Variants in PDE4B observed in about 807,000 individuals in gnomAD.
PDE4B encodes 3',5'-cyclic-AMP phosphodiesterase 4B.
A neutral mutation model predicts 82.2 loss-of-function variants in PDE4B; 20 were observed. That is an observed-to-expected ratio of 0.24 (90% confidence interval 0.17 to 0.35). PDE4B has a LOEUF of 0.35. Ranked by LOEUF, PDE4B falls within the 10% of genes least tolerant of loss-of-function variation. The pLI is 1.00. For synonymous variants in PDE4B, 320 were observed against 318.9 expected, an observed-to-expected ratio of 1.00 and a Z score of -0.04; for missense variants, 655 against 907.2, an observed-to-expected ratio of 0.72 and a Z score of 3.57.
At chr1:66,345,695 C>T (rs574802125) in intron 8 of PDE4B, among the ~76,000 whole-genome samples, 1 of 152,174 alleles carries the variant, frequency 6.6e-6, no homozygotes, top group Admixed American at 6.5e-5. Context: ...CCATTAGAAC[C>T]CTGGAATCCT....
At chr1:66,172,108 C>A (rs1412559733) in intron 3 of PDE4B, among the ~76,000 whole-genome samples, 1 of 152,110 alleles carries the variant, frequency 6.6e-6, no homozygotes, top group Non-Finnish European at 1.5e-5. Context: ...ACCCTTATCC[C>A]CTGCTTTTGG....
At chr1:65,850,689 G>GTA (rs370326822) in intron 1 of PDE4B, among the ~76,000 whole-genome samples, 36 of 151,678 alleles carry the variant, frequency 2.4e-4, no homozygotes, top group Admixed American at 7.9e-4. Context: ...GCATGTGTGT[G>GTA]TATATATATA....
rs1310565146 is a variant in PDE4B at position 66,372,653 on chromosome 1, A to G, written c.2186A>G (p.Glu729Gly). 3 of 1,613,480 alleles carry G rather than the reference A, an allele frequency of 1.9e-6. No homozygotes were observed. The African/African-American group carries it at 4.0e-5, about 22-fold the overall frequency. ...LGETDIDIATEDKSPVDT is the reference protein window; with the variant it reads ...LGETDIDIATGDKSPVDT Reference sequence around the variant, plus strand: ...GAGACTGACATAGACATTGCAACAGAAGACAAGTCCCCCGTGGATACATAA... The same window carrying G: ...GAGACTGACATAGACATTGCAACAGGAGACAAGTCCCCCGTGGATACATAA... The change falls in exon 17 of 17, where the codon GAA becomes GGA. Residue 729 changes from glutamate to glycine, a missense_variant. By Grantham distance (98) the Glu-to-Gly change is moderately conservative (BLOSUM62 -2). Around this residue, in one of 3 missense-constraint regions of PDE4B, gnomAD observed 119 missense variants for 115.2 expected, o/e 1.03. Coordinates refer to ENST00000341517, the MANE Select transcript of PDE4B (RefSeq NM_002600.4).
At chr1:66,303,830 T>C (rs1372022011) in intron 7 of PDE4B, among the ~76,000 whole-genome samples, 1 of 152,130 alleles carries the variant, frequency 6.6e-6, no homozygotes, top group East Asian at 1.9e-4. Context: ...ATGTGTCTGG[T>C]ATTATTGCTG....
chr1:65,926,130 A>G (rs1037579682), intron 3 of PDE4B, among the ~76,000 whole-genome samples: 5 of 152,144 alleles, frequency 3.3e-5, no homozygotes, highest in Non-Finnish European at 7.3e-5. Context: ...GACTAATATT[A>G]ACTTTTACTC....
chr1:66,210,617 A>AAAG (rs1649962638), intron 3 of PDE4B, among the ~76,000 whole-genome samples: 5 of 148,586 alleles, frequency 3.4e-5, no homozygotes, highest in African/African-American at 1.2e-4. Context: ...AAAAAAAAAA[A>AAAG]AAGAAAAAGG....
At chr1:65,924,895 A>G (rs1647416607) in intron 3 of PDE4B, among the ~76,000 whole-genome samples, 1 of 152,244 alleles carries the variant, frequency 6.6e-6, no homozygotes, top group Non-Finnish European at 1.5e-5. Flanking sequence ...ACTGAGCAAG[A>G]CAGAGGTCAA....
At chr1:66,352,916 G>A (rs926474705) in intron 8 of PDE4B, among the ~76,000 whole-genome samples, 4 of 152,184 alleles carry the variant, frequency 2.6e-5, no homozygotes, top group African/African-American at 7.2e-5. Context: ...CCTAAGTCTA[G>A]TGCAGAGAAA....
intron 1 of PDE4B, among the ~76,000 whole-genome samples, chr1:65,856,816 A>G (rs926963871): frequency 6.6e-6 from 1 of 152,142 alleles, no homozygotes; most frequent in Non-Finnish European, 1.5e-5. Context: ...AAAAGCATTG[A>G]GATAGAGATT....
intron 3 of PDE4B, among the ~76,000 whole-genome samples, chr1:66,003,774 A>G (rs183920496): frequency 6.6e-6 from 1 of 152,314 alleles, no homozygotes; most frequent in East Asian, 1.9e-4. Flanking sequence ...CAAATAAACT[A>G]TGGGATCTAA....
chr1:66,166,733 C>CAAA (rs903951141), intron 3 of PDE4B, among the ~76,000 whole-genome samples: 2 of 60,680 alleles, frequency 3.3e-5, no homozygotes, highest in African/African-American at 1.2e-4. Flanking sequence ...GACTCTGTCT[C>CAAA]AAAAAAAAAA....
chr1:66,122,368 A>T (rs1645727526), intron 3 of PDE4B, among the ~76,000 whole-genome samples: 1 of 152,146 alleles, frequency 6.6e-6, no homozygotes, highest in South Asian at 2.1e-4. Context: ...GGGTTCTTTT[A>T]AAATTGTGTA....
At chr1:66,248,344 G>C (rs1430745782) in intron 4 of PDE4B, among the ~76,000 whole-genome samples, 1 of 152,154 alleles carries the variant, frequency 6.6e-6, no homozygotes, top group Non-Finnish European at 1.5e-5. Flanking sequence ...TGCCTTAAAA[G>C]GTTTCTGGGC....
At chr1:65,794,042 T>C (rs932830583) in intron 1 of PDE4B, among the ~76,000 whole-genome samples, 1 of 150,456 alleles carries the variant, frequency 6.6e-6, no homozygotes, top group Admixed American at 6.6e-5. Flanking sequence ...ACAGTAGTTA[T>C]ATATGTGTGT....
At chr1:66,360,679 A>T (rs1168299900) in intron 9 of PDE4B, 1 of 152,292 alleles carries the variant, frequency 6.6e-6, no homozygotes, top group South Asian at 2.1e-4. Flanking sequence ...GAGTTAATGC[A>T]TTTTTTTCAG....
At chr1:66,040,133 A>C (rs1292224339) in intron 3 of PDE4B, among the ~76,000 whole-genome samples, 1 of 152,014 alleles carries the variant, frequency 6.6e-6, no homozygotes, top group African/African-American at 2.4e-5. Flanking sequence ...TTCTATGTTT[A>C]TCTTTTAACT....
intron 3 of PDE4B, among the ~76,000 whole-genome samples, chr1:66,062,323 T>C (rs1176980606): frequency 6.6e-6 from 1 of 152,096 alleles, no homozygotes; most frequent in East Asian, 1.9e-4. Flanking sequence ...TAAATAAAAA[T>C]GGCACTTTAT....
chr1:65,865,495 T>A (rs997443782), intron 1 of PDE4B, among the ~76,000 whole-genome samples: 4 of 152,070 alleles, frequency 2.6e-5, no homozygotes, highest in African/African-American at 9.7e-5. Context: ...AGCTGCCCAG[T>A]TTTTTGCTTG....
At chr1:65,903,688 T>C (rs1490223920) in intron 1 of PDE4B, among the ~76,000 whole-genome samples, 1 of 152,232 alleles carries the variant, frequency 6.6e-6, no homozygotes, top group Non-Finnish European at 1.5e-5. Flanking sequence ...TGTTCCTTTA[T>C]GTTCTATCAA....
Sources: gnomAD v4.1 joint callset for allele counts (sites outside exome capture counted in the v4.1 genomes callset) on GRCh38, gnomAD v4.1.1 for gene constraint, gnomAD v4.1.1 regional missense constraint, MANE v1.5 for transcripts, NCBI Gene and HGNC (gene_info 2026-07-23, HGNC 2026-07-21) for gene names.